Variants in ANO3 observed in about 807,000 individuals in gnomAD.
The protein encoded by ANO3 is anoctamin-3.
A neutral mutation model predicts 144.8 loss-of-function variants in ANO3; 99 were observed. The ratio of observed to expected loss-of-function variants is 0.68; its 90% CI spans 0.58 to 0.81. ANO3 has a LOEUF of 0.81. ANO3 is among the 30% of genes least tolerant of loss of function. The pLI, the probability that ANO3 is intolerant of heterozygous loss-of-function variation, is 0.00. For missense variants in ANO3, 905 were observed against 1,202.2 expected (o/e 0.75, Z 3.66); for synonymous variants, 414 against 392.6 (o/e 1.05, Z -0.64).
At chr11:26,397,566 TTTAA>T (rs537183846) in intron 1 of ANO3, among the ~76,000 whole-genome samples, 26 of 152,208 alleles carry the variant, frequency 1.7e-4, no homozygotes, top group East Asian at 3.9e-4. Flanking sequence ...CTTAATTTTA[TTTAA>T]TTGACACATA....
chr11:26,530,477 C>T (rs1849336459), intron 7 of ANO3, among the ~76,000 whole-genome samples: 2 of 71,896 alleles, frequency 2.8e-5, no homozygotes, highest in South Asian at 8.6e-4. Flanking sequence ...ATCTATCTAT[C>T]TATCTATCTA....
chr11:26,332,058 C>G (rs1003584210), upstream of ANO3: 162 of 1,390,356 alleles, frequency 1.2e-4, no homozygotes, highest in Non-Finnish European at 1.4e-4. Context: ...CCAGAGTAGC[C>G]GCTAAGGGGA....
intron 1 of ANO3, among the ~76,000 whole-genome samples, chr11:26,225,981 A>T (rs1334342648): frequency 6.6e-6 from 1 of 152,142 alleles, no homozygotes; most frequent in African/African-American, 2.4e-5. Flanking sequence ...AGAATGACAG[A>T]TCTAACTTAT....
chr11:26,266,110 C>T (rs7105867), intron 1 of ANO3, among the ~76,000 whole-genome samples: 38,357 of 151,954 alleles, frequency 0.25, 6,009 homozygotes, highest in African/African-American at 0.45. Flanking sequence ...TAGATATTTA[C>T]GCCAGAACCT....
intron 3 of ANO3, among the ~76,000 whole-genome samples, chr11:26,457,835 A>G (rs7950245): frequency 0.89 from 134,417 of 150,318 alleles, 60,043 homozygotes; most frequent in East Asian, 1. Context: ...CAAGAGTTCT[A>G]TTTGTCATAA....
intron 1 of ANO3, among the ~76,000 whole-genome samples, chr11:26,339,152 C>CTTT (rs983569207): frequency 1.4e-5 from 2 of 145,002 alleles, no homozygotes. Flanking sequence ...CCAAAGTCCA[C>CTTT]TTTTTTTTTT....
chr11:26,344,279 A>G (rs1855442292), intron 1 of ANO3, among the ~76,000 whole-genome samples: 1 of 152,158 alleles, frequency 6.6e-6, no homozygotes, highest in African/African-American at 2.4e-5. Context: ...CGAAACAAAA[A>G]GAAAATTTAT....
At chr11:26,553,418 T>A in intron 13 of ANO3, 73 bp downstream of exon 13, 1 of 1,006,656 alleles carries the variant, frequency 9.9e-7, no homozygotes, top group Non-Finnish European at 1.5e-6. Context: ...CTCTAGTCAA[T>A]AGCTTTTTAC....
At chr11:26,376,914 A>G (rs1856428694) in intron 1 of ANO3, among the ~76,000 whole-genome samples, 1 of 152,152 alleles carries the variant, frequency 6.6e-6, no homozygotes, top group Non-Finnish European at 1.5e-5. Context: ...TATTTGTATC[A>G]TGGCTGAGAG....
chr11:26,458,529 T>G (rs141757971), intron 3 of ANO3, among the ~76,000 whole-genome samples: 229 of 152,246 alleles, frequency 1.5e-3, no homozygotes, highest in South Asian at 9.1e-3. Flanking sequence ...AAAGTTACAT[T>G]CAGAAGGAAA....
At chr11:26,500,128 T>G (rs959265141) in intron 4 of ANO3, among the ~76,000 whole-genome samples, 1 of 152,100 alleles carries the variant, frequency 6.6e-6, no homozygotes, top group Non-Finnish European at 1.5e-5. Flanking sequence ...TGTTGTAGCA[T>G]GTGTTAACAT....
intron 6 of ANO3, among the ~76,000 whole-genome samples, chr11:26,521,620 T>G (rs1350389775): frequency 6.6e-6 from 1 of 152,300 alleles, no homozygotes; most frequent in East Asian, 1.9e-4. Flanking sequence ...AGTCTACATT[T>G]TCTAGTTTTT....
At chr11:26,296,284 A>C (rs555974862) in intron 1 of ANO3, among the ~76,000 whole-genome samples, 5 of 152,312 alleles carry the variant, frequency 3.3e-5, no homozygotes, top group Admixed American at 3.3e-4. Flanking sequence ...GTTTTTTATC[A>C]ATCTCCAAAT....
chr11:26,301,641 T>C (rs1854235294), intron 1 of ANO3, among the ~76,000 whole-genome samples: 1 of 152,146 alleles, frequency 6.6e-6, no homozygotes, highest in African/African-American at 2.4e-5. Context: ...GATTGAGAGA[T>C]AGGGAAGGAA....
intron 1 of ANO3, among the ~76,000 whole-genome samples, chr11:26,250,934 T>C (rs1393998705): frequency 6.6e-6 from 1 of 152,194 alleles, no homozygotes; most frequent in African/African-American, 2.4e-5. Context: ...GAGCCTATAG[T>C]TGGGCTAAAT....
At chr11:26,471,524 TAC>T (rs1340196689) in intron 4 of ANO3, among the ~76,000 whole-genome samples, 13 of 151,926 alleles carry the variant, frequency 8.6e-5, no homozygotes, top group Non-Finnish European at 1.9e-4. Flanking sequence ...CTGAATCTAT[TAC>T]AGTATGGGAA....
chr11:26,257,377 G>A (rs1406630424), intron 1 of ANO3, among the ~76,000 whole-genome samples: 1 of 151,938 alleles, frequency 6.6e-6, no homozygotes, highest in Non-Finnish European at 1.5e-5. Flanking sequence ...GCTAAATTCA[G>A]GTGTTTTGAC....
At chr11:26,491,566 G>C (rs752516669) in intron 4 of ANO3, among the ~76,000 whole-genome samples, 2 of 152,148 alleles carry the variant, frequency 1.3e-5, no homozygotes, top group African/African-American at 4.8e-5. Flanking sequence ...CAGAAGCAGC[G>C]TGTTAGAGGG....
At chr11:26,414,271 C>T (rs1329398463) in intron 1 of ANO3, among the ~76,000 whole-genome samples, 1 of 152,066 alleles carries the variant, frequency 6.6e-6, no homozygotes, top group Non-Finnish European at 1.5e-5. Context: ...AATCATTCTA[C>T]TATAAAGACA....
Sources: gnomAD v4.1 joint callset for allele counts (sites outside exome capture counted in the v4.1 genomes callset) on GRCh38, gnomAD v4.1.1 for gene constraint, MANE v1.5 for transcripts, NCBI Gene and HGNC (gene_info 2026-07-23, HGNC 2026-07-21) for gene names.